CLDN18: variants seen among roughly 807,000 people sequenced by gnomAD.
CLDN18 encodes the protein claudin 18, also known as claudin-18.
CLDN18 carries 20 observed loss-of-function variants against 25.0 expected under a neutral mutation model. The observed-to-expected ratio is 0.80, with a 90% CI of 0.56 to 1.16. The LOEUF is 1.16. CLDN18 is among the 50% of genes most tolerant of loss of function. The pLI is 0.00. For missense variants in CLDN18, 297 were observed against 345.4 expected, an observed-to-expected ratio of 0.86 and a Z score of 1.11; for synonymous variants, 125 against 135.6, an observed-to-expected ratio of 0.92 and a Z score of 0.54.
chr3:138,021,310 A>AT lies in CLDN18; in HGVS notation c.221-2344dup, dbSNP rs1290408646. 2.6e-5 allele frequency among the ~76,000 whole-genome samples: 4 copies of AT among 151,940 alleles called. No homozygotes were observed. The South Asian group carries it at 8.3e-4, about 32-fold the overall frequency. On this transcript the variant is annotated intron_variant, in intron 1 of 4. Coordinates refer to ENST00000183605, the MANE Select transcript of CLDN18 (RefSeq NM_016369.4). The stretch of plus-strand genomic sequence containing the variant: ...GTTTTTTTTCCATTCCCAAATTTTA[A>AT]TTTTGCCTGGATGTTATTAACTGGT...
At chr3:137,998,995 G>A (rs372993807) in exon 1 of CLDN18, 2 of 1,614,102 alleles carry the variant, frequency 1.2e-6, no homozygotes, top group African/African-American at 1.3e-5. Context: ...CGTAACAGCT[G>A]TTTTCAACTA....
chr3:138,014,635 G>T (rs1942183797), intron 1 of CLDN18, among the ~76,000 whole-genome samples: 1 of 152,086 alleles, frequency 6.6e-6, no homozygotes, highest in Non-Finnish European at 1.5e-5. Flanking sequence ...TGAGTTGAGG[G>T]AAGAGGATTT....
Position 137,999,161 on chromosome 3 carries a change from C to T in CLDN18, c.220+73C>T, listed in dbSNP as rs1243571981. ...GAGGAAACTGCAGGCTCTGTCTGGG[C>T]ACCACGACAGGGACTGCTGGGGAGG... On this transcript the variant is annotated intron_variant, in intron 1 of 4. Coordinates refer to the CLDN18 transcript ENST00000343735. 3.0e-6 allele frequency: 4 copies of T among 1,353,102 alleles called. No homozygotes were observed. In the African/African-American group the frequency reaches 4.3e-5, roughly 15 times the overall value. 83.8% of individuals were successfully genotyped at this position (1,353,102 alleles called of 1,614,324 possible). A position where few individuals can be genotyped will look rare whatever the true frequency, so the allele number is the denominator to read the frequency against.
chr3:138,019,180 G>C (rs1023337697), intron 1 of CLDN18, among the ~76,000 whole-genome samples: 1 of 152,196 alleles, frequency 6.6e-6, no homozygotes, highest in Admixed American at 6.5e-5. Flanking sequence ...ACTACCTCCA[G>C]AATTGAGGAC....
At chr3:138,006,272 C>T (rs1285897516), upstream of CLDN18, among the ~76,000 whole-genome samples, 1 of 152,096 alleles carries the variant, frequency 6.6e-6, no homozygotes, top group Non-Finnish European at 1.5e-5. Context: ...CATTTTATTT[C>T]TTCCTAATTC....
intron 2 of CLDN18, 88 bp from the exon 3 acceptor site, chr3:138,024,519 C>T (rs576605294): frequency 5.2e-6 from 4 of 764,628 alleles, no homozygotes; most frequent in East Asian, 2.4e-5. Context: ...GCAGCCTACT[C>T]ATCTAAACTC....
chr3:138,010,507 TGC>T, intron 1 of CLDN18, 62 bp downstream of exon 1: 1 of 1,593,778 alleles, frequency 6.3e-7, no homozygotes, highest in Admixed American at 1.7e-5. Flanking sequence ...AGGGGGCGTT[TGC>T]GTTAAGCCCC....
chr3:138,016,547 C>CTCATGTCCCTGGCTCCA (rs948687164), intron 1 of CLDN18, among the ~76,000 whole-genome samples: 4 of 151,744 alleles, frequency 2.6e-5, no homozygotes, highest in African/African-American at 9.7e-5. Flanking sequence ...ATATGGCAAA[C>CTCATGTCCCTGGCTCCA]TCATGTCCCT....
chr3:138,032,239 G>C lies in CLDN18; in HGVS notation c.*1098G>C, dbSNP rs1333474606. ...GTTCGAGACTAGCCTGGGCAACATG[G>C]AGAAGCCCTGTCTCTACAAAATACA... On this transcript the variant is annotated 3_prime_UTR_variant, in exon 5 of 5. Transcript: ENST00000183605. 6.6e-6 allele frequency: 1 copy of C among 151,978 alleles called. No homozygotes were observed. The highest frequency in any genetic ancestry group is 1.5e-5 in the Non-Finnish European group (1 of 68,026). The allele number at this position is 151,978 out of a possible 1,614,324, so 9.4% of individuals were successfully genotyped here. A position where few individuals can be genotyped will look rare whatever the true frequency, so the allele number is the denominator to read the frequency against.
At chr3:138,012,993 A>G (rs1057083653) in intron 1 of CLDN18, among the ~76,000 whole-genome samples, 1 of 152,124 alleles carries the variant, frequency 6.6e-6, no homozygotes, top group Non-Finnish European at 1.5e-5. Context: ...TTCAGCTTCT[A>G]TGTGGTGTTT....
upstream of CLDN18, among the ~76,000 whole-genome samples, chr3:138,006,249 T>A (rs1449841030): frequency 6.6e-6 from 1 of 152,222 alleles, no homozygotes; most frequent in African/African-American, 2.4e-5. Context: ...ATTATTTTTC[T>A]CACTAGTATA....
In CLDN18 at chr3:138,024,653, G is replaced by A; in HGVS notation, c.432G>A (p.Val144=). 6.2e-7 allele frequency: 1 copy of A among 1,614,018 alleles called. No individual in the cohort carries two copies. The highest frequency in any genetic ancestry group is 1.3e-5 in the African/African-American group (1 of 75,050). Reference sequence around the variant, plus strand: ...TGTCTGTGTTTGCCAACATGCTGGTGACTAACTTCTGGATGTCCACAGCTA... The same window carrying A: ...TGTCTGTGTTTGCCAACATGCTGGTAACTAACTTCTGGATGTCCACAGCTA... The part of the protein sequence containing the change: ...AGVSVFANML[V]TNFWMSTANM... The change falls in exon 3 of 5, where the codon GTG becomes GTA. Residue 144 remains valine, a synonymous_variant. Transcript: ENST00000183605.
intron 1 of CLDN18, among the ~76,000 whole-genome samples, chr3:138,012,132 T>C (rs893111485): frequency 1.3e-5 from 2 of 152,150 alleles, no homozygotes; most frequent in African/African-American, 4.8e-5. Context: ...CCTGGGGAAA[T>C]CTGTTGATCC....
chr3:137,999,355 A>G (rs1262659015), intron 1 of CLDN18, among the ~76,000 whole-genome samples: 1 of 152,140 alleles, frequency 6.6e-6, no homozygotes, highest in Non-Finnish European at 1.5e-5. Flanking sequence ...AATAACTCCT[A>G]TGTGAGCAAT....
intron 1 of CLDN18, among the ~76,000 whole-genome samples, chr3:138,003,922 A>T (rs1480434158): frequency 6.6e-6 from 1 of 152,202 alleles, no homozygotes; most frequent in Admixed American, 6.5e-5. Flanking sequence ...CTATAATCCC[A>T]GCACTTTGGG....
chr3:138,006,168 C>T (rs542488961), upstream of CLDN18, among the ~76,000 whole-genome samples: 250 of 152,048 alleles, frequency 1.6e-3, 1 homozygote, highest in African/African-American at 5.8e-3. Context: ...ATTATGAACA[C>T]CAAAAGGTGA....
At chr3:138,012,257 T>C (rs1178159008) in intron 1 of CLDN18, among the ~76,000 whole-genome samples, 1 of 152,198 alleles carries the variant, frequency 6.6e-6, no homozygotes, top group South Asian at 2.1e-4. Context: ...CTATCCTTCA[T>C]CTCTATAGAA....
At chr3:138,009,291 A>T (rs562998904), upstream of CLDN18, among the ~76,000 whole-genome samples, 1 of 152,330 alleles carries the variant, frequency 6.6e-6, no homozygotes, top group Admixed American at 6.5e-5. Context: ...CTCCGTGACC[A>T]GGCCAAGGAC....
At chr3:138,023,955 G>A in intron 2 of CLDN18, 133 bp downstream of exon 2, 2 of 904,790 alleles carry the variant, frequency 2.2e-6, no homozygotes, top group Non-Finnish European at 3.3e-6. Context: ...ATCTGAGTGT[G>A]GAGGTCCAAT....
Sources: allele counts gnomAD v4.1 joint callset (sites outside exome capture counted in the v4.1 genomes callset), GRCh38; gene constraint gnomAD v4.1.1; transcripts MANE v1.5; gene names NCBI Gene and HGNC (gene_info 2026-07-23, HGNC 2026-07-21).